The following RAD54L2 variants were observed in gnomAD, a reference collection of about 807,000 sequenced individuals.
The protein encoded by RAD54L2 is helicase ARIP4.
A neutral mutation model predicts 138.4 loss-of-function variants in RAD54L2; 27 were observed. The ratio of observed to expected loss-of-function variants is 0.20; its 90% CI spans 0.14 to 0.27. The LOEUF (loss-of-function observed/expected upper bound fraction) is 0.27, where lower values mean the gene tolerates loss of function less well. Among genes scored for constraint, RAD54L2 ranks in the 10% least tolerant of loss-of-function variants. The pLI, the probability that RAD54L2 is intolerant of heterozygous loss-of-function variation, is 1.00. For missense variants in RAD54L2, 1,396 were observed against 1,890.2 expected, an observed-to-expected ratio of 0.74 and a Z score of 4.85; for synonymous variants, 644 against 723.2, an observed-to-expected ratio of 0.89 and a Z score of 1.76.
At chr3:51,644,015 A>C (rs199986695) in intron 16 of RAD54L2, 41 bp downstream of exon 16, 1 of 1,507,090 alleles carries the variant, frequency 6.6e-7, no homozygotes, top group Non-Finnish European at 9.0e-7. Context: ...GAATCTGTTC[A>C]GGCAGTTGGC....
chr3:51,581,898 G>A (rs527916445), intron 2 of RAD54L2, among the ~76,000 whole-genome samples: 2 of 151,634 alleles, frequency 1.3e-5, no homozygotes, highest in African/African-American at 4.8e-5. Flanking sequence ...TGCCATGTGG[G>A]TTCTTGTTTC....
rs766302386 is a variant in RAD54L2 at position 51,646,380 on chromosome 3, C to T, written c.2925C>T (p.Asp975=). The change falls in exon 19 of 23, where the codon GAC becomes GAT. Residue 975 remains aspartate, a synonymous_variant. Coordinates refer to ENST00000684192, the MANE Select transcript of RAD54L2 (RefSeq NM_015106.4). ...KKAAKKSYEE[D]KRTSVPYTRP... is the part of the protein sequence containing the mutation. ...CAGCAAAGAAAAGCTATGAGGAAGA[C>T]AAACGCACATCAGTCCCCTATACCC... 1 of 1,613,644 alleles carries T rather than the reference C, an allele frequency of 6.2e-7. No individual in the cohort carries two copies. The highest frequency in any genetic ancestry group is 1.1e-5 in the South Asian group (1 of 90,970).
intron 3 of RAD54L2, among the ~76,000 whole-genome samples, chr3:51,598,113 GTGTGTGTATATATATATATA>G (rs779662321): frequency 5.4e-4 from 80 of 149,162 alleles, no homozygotes; most frequent in South Asian, 3.2e-3. Flanking sequence ...ATATATATGT[GTGTGTGTATATATATATATA>G]TGTGTGTATA....
intron 2 of RAD54L2, among the ~76,000 whole-genome samples, chr3:51,576,419 A>T (rs1699482693): frequency 6.6e-6 from 1 of 152,190 alleles, no homozygotes; most frequent in Admixed American, 6.5e-5. Context: ...TTCAGAAGGA[A>T]TGGTACCAGC....
chr3:51,654,993 A>G (rs1208002185), intron 19 of RAD54L2, among the ~76,000 whole-genome samples: 1 of 152,134 alleles, frequency 6.6e-6, no homozygotes, highest in Non-Finnish European at 1.5e-5. Flanking sequence ...CTAGGAAGAC[A>G]CTGGGGAAAC....
At chr3:51,622,833 T>C (rs1700595597) in intron 3 of RAD54L2, among the ~76,000 whole-genome samples, 2 of 152,176 alleles carry the variant, frequency 1.3e-5, no homozygotes, top group Non-Finnish European at 2.9e-5. Flanking sequence ...GGAAAGTGGT[T>C]GTTGGGTTGG....
intron 2 of RAD54L2, among the ~76,000 whole-genome samples, chr3:51,586,732 C>G (rs967647393): frequency 6.6e-6 from 1 of 151,848 alleles, no homozygotes; most frequent in Non-Finnish European, 1.5e-5. Flanking sequence ...CTATGCCTGG[C>G]TAATTTTGTA....
chr3:51,599,538 C>T (rs546173051), intron 3 of RAD54L2, among the ~76,000 whole-genome samples: 1 of 151,890 alleles, frequency 6.6e-6, no homozygotes, highest in South Asian at 2.1e-4. Context: ...AAAAATAATC[C>T]AAGTAGCTTT....
chr3:51,562,938 C>T (rs1699130820), intron 2 of RAD54L2, among the ~76,000 whole-genome samples: 2 of 152,174 alleles, frequency 1.3e-5, no homozygotes, highest in South Asian at 2.1e-4. Context: ...CGAGTCTGGC[C>T]AGAAATTTCT....
chr3:51,663,085 T>A lies in RAD54L2; in HGVS notation c.4069T>A (p.Ser1357Thr). 6.2e-7 allele frequency: 1 copy of A among 1,613,916 alleles called. No individual in the cohort carries two copies. The highest frequency in any genetic ancestry group is 1.1e-5 in the South Asian group (1 of 91,076). ...LVPAGPVSSS[S>T]TATSVTASNP... is the part of the protein sequence containing the mutation. ...GCCAGCAGGCCCCGTCAGTTCCTCT[T>A]CCACGGCTACCTCAGTCACTGCCAG... The change falls in exon 23 of 23, where the codon TCC (serine) becomes ACC (threonine). Residue 1357 changes from serine (S) to threonine (T), a missense_variant. Coordinates refer to ENST00000684192, the MANE Select transcript of RAD54L2 (RefSeq NM_015106.4).
At chr3:51,659,288 G>T (rs987446322) in intron 21 of RAD54L2, among the ~76,000 whole-genome samples, 2 of 151,806 alleles carry the variant, frequency 1.3e-5, no homozygotes, top group African/African-American at 2.4e-5. Context: ...TGTATTTTTA[G>T]TAGAGATGGG....
intron 3 of RAD54L2, among the ~76,000 whole-genome samples, chr3:51,607,839 G>A (rs560982257): frequency 2.8e-4 from 41 of 145,844 alleles, no homozygotes; most frequent in African/African-American, 9.4e-4. Flanking sequence ...GGGGCGGCTG[G>A]GCAGAGGCGC....
At position 51,660,054 on chromosome 3, in the gene RAD54L2, G is replaced by C; in HGVS notation, c.3345G>C (p.Arg1115=). 5 of 1,598,376 alleles carry C rather than the reference G, an allele frequency of 3.1e-6. No homozygotes were observed. The South Asian group carries it at 4.4e-5, about 14-fold the overall frequency. The change falls in exon 22 of 23, where the codon CGG becomes CGC. Residue 1115 remains arginine, a synonymous_variant. Coordinates refer to ENST00000684192, the MANE Select transcript of RAD54L2 (RefSeq NM_015106.4). Reference sequence around the variant, plus strand: ...CGTACATCCGTACCAGTGATGGACGGATCTTTGCTGTCCGGGCAACTGGCA... The same window carrying C: ...CGTACATCCGTACCAGTGATGGACGCATCTTTGCTGTCCGGGCAACTGGCA... ...KGTYIRTSDG[R]IFAVRATGKP...
In RAD54L2 at chr3:51,552,394, G is replaced by C. The variant is rs187624682; in HGVS notation, c.-55+10744G>C. Among the ~76,000 whole-genome samples the C allele has an allele frequency of 6.2e-3, 932 of 150,318 alleles. 7 individuals are homozygous for C. Among genetic ancestry groups the C allele is most frequent in the African/African-American group, 0.021 (877 of 40,898 alleles). ...TCTCCTGCTTCAGCCTCCCGAGTAG[G>C]TGGGACTACAGGCACCCGCCACCAC... On this transcript the variant is annotated intron_variant, in intron 2 of 22. Transcript: ENST00000684192.
intron 16 of RAD54L2, 69 bp downstream of exon 16, chr3:51,644,043 C>T (rs1157312646): frequency 1.6e-6 from 2 of 1,236,122 alleles, no homozygotes; most frequent in African/African-American, 1.5e-5. Context: ...GCTGGTACCC[C>T]AAAACTCCAA....
chr3:51,645,615 C>G lies in RAD54L2; in HGVS notation c.2681C>G (p.Pro894Arg). The G allele has an allele frequency of 5.6e-6, 9 of 1,612,050 alleles. No individual in the cohort carries two copies. Among genetic ancestry groups the G allele is most frequent in the Non-Finnish European group, 6.8e-6 (8 of 1,179,138 alleles). The change falls in exon 18 of 23, where the codon CCA becomes CGA. Residue 894 changes from proline (P) to arginine (R), a missense_variant. Pro to Arg is a moderately radical substitution (Grantham distance 103, BLOSUM62 -2). Transcript: ENST00000684192. This position sits in a 1 kb window ranked among gnomAD's most constrained non-coding sequence, Gnocchi z 6.1. ...GATCGGGTGGTGGATGATCTAAATC[C>G]AATGCTGAACTTCACACGGAAAGAG... ...MSDRVVDDLN[P>R]MLNFTRKEVE...
At position 51,637,171 on chromosome 3, in the gene RAD54L2, G is replaced by C. The variant is rs1450204765; in HGVS notation, c.1350G>C (p.Lys450Asn). The change falls in exon 11 of 23, where the codon AAG (lysine) becomes AAC (asparagine). Residue 450 changes from lysine to asparagine, a missense_variant. This residue lies in a region of RAD54L2 where 169 missense variants were observed against 235.6 expected (regional missense o/e 0.72). Transcript: ENST00000684192. This position sits in a 1 kb window ranked among gnomAD's most constrained non-coding sequence, Gnocchi z 5.9. ...CTCTTCCCTCCCTAGAGTTTGAGAA[G>C]GCTTTATGCCGCCCTGGCCCTGATG... ...RQQEFRREFE[K>N]ALCRPGPDVV... The C allele has an allele frequency of 6.3e-7, 1 of 1,581,552 alleles. No individual in the cohort carries two copies. Among genetic ancestry groups the C allele is most frequent in the Non-Finnish European group, 8.6e-7 (1 of 1,163,576 alleles).
intron 2 of RAD54L2, among the ~76,000 whole-genome samples, chr3:51,549,428 A>T (rs529708005): frequency 6.6e-6 from 1 of 152,148 alleles, no homozygotes; most frequent in Admixed American, 6.6e-5. Flanking sequence ...GGCCCATGAA[A>T]CAAGTAGGAG....
intron 3 of RAD54L2, among the ~76,000 whole-genome samples, chr3:51,608,280 A>C (rs1166970442): frequency 6.6e-6 from 1 of 151,794 alleles, no homozygotes; most frequent in Non-Finnish European, 1.5e-5. Flanking sequence ...GCAGCCGGGC[A>C]GAGACGCTCC....
Sources: gnomAD v4.1 joint callset for allele counts (sites outside exome capture counted in the v4.1 genomes callset) on GRCh38, gnomAD v4.1.1 for gene constraint, gnomAD v4.1.1 regional missense constraint, Gnocchi (gnomAD v3.1) non-coding constraint, MANE v1.5 for transcripts, NCBI Gene and HGNC (gene_info 2026-07-23, HGNC 2026-07-21) for gene names.